The following ANO4 variants were observed in gnomAD, a reference collection of about 807,000 sequenced individuals.
The protein encoded by ANO4 is anoctamin 4.
Under a neutral mutation model 141.9 loss-of-function variants are expected in ANO4, and 69 were observed. That is an observed-to-expected ratio of 0.49 (90% CI 0.40 to 0.59). ANO4 has a LOEUF of 0.59. Among genes scored for constraint, ANO4 ranks in the 20% least tolerant of loss-of-function variants. The pLI is 0.00. For missense variants in ANO4, 894 were observed against 1,162.2 expected, an observed-to-expected ratio of 0.77 and a Z score of 3.36; for synonymous variants, 350 against 394.3, an observed-to-expected ratio of 0.89 and a Z score of 1.33.
chr12:101,075,342 T>C (rs764272203), intron 14 of ANO4, among the ~76,000 whole-genome samples: 2 of 152,126 alleles, frequency 1.3e-5, no homozygotes, highest in Non-Finnish European at 2.9e-5. Flanking sequence ...TTTTATTCTA[T>C]AGGTGATGTG....
At chr12:100,940,725 T>G (rs2042475080) in intron 4 of ANO4, among the ~76,000 whole-genome samples, 2 of 152,150 alleles carry the variant, frequency 1.3e-5, no homozygotes, top group Admixed American at 6.6e-5. Context: ...TTTACCTTCT[T>G]CATACCACCA....
chr12:101,110,847 T>C lies in ANO4; in HGVS notation c.2302+291T>C, dbSNP rs142386004. Among the ~76,000 whole-genome samples, 91 of 152,360 alleles carry C rather than the reference T, an allele frequency of 6.0e-4. 2 individuals are homozygous for C. The East Asian group carries it at 0.016, about 27-fold the overall frequency. On this transcript the variant is annotated intron_variant, in intron 23 of 27. Coordinates refer to ENST00000392977, the MANE Select transcript of ANO4 (RefSeq NM_001286615.2). ...TAAAATTTAGATTTATTATCACTTA[T>C]ATCCTTTTTAAAATAGATCTTCCAT...
At chr12:100,925,812 T>TTTAC (rs1555252847) in intron 3 of ANO4, among the ~76,000 whole-genome samples, 2 of 147,880 alleles carry the variant, frequency 1.4e-5, no homozygotes, top group East Asian at 3.9e-4. Flanking sequence ...TATACATACA[T>TTTAC]ATACATACAT....
At chr12:100,873,186 CAAT>C (rs1202160294) in intron 1 of ANO4, among the ~76,000 whole-genome samples, 3 of 152,054 alleles carry the variant, frequency 2.0e-5, no homozygotes, top group Non-Finnish European at 4.4e-5. Flanking sequence ...TTCTTTATAG[CAAT>C]GTGAGAATAG....
chr12:100,997,283 G>A (rs1345178098), intron 8 of ANO4, among the ~76,000 whole-genome samples: 4 of 141,638 alleles, frequency 2.8e-5, no homozygotes, highest in South Asian at 4.5e-4. Context: ...GCAGTGAGCC[G>A]AGATCCCACC....
intron 9 of ANO4, among the ~76,000 whole-genome samples, chr12:101,034,171 G>A (rs11612940): frequency 0.26 from 39,477 of 152,030 alleles, 5,286 homozygotes; most frequent in Non-Finnish European, 0.28. Context: ...GCATTCTACT[G>A]TAAAGACACA....
chr12:100,742,272 A>G (rs1398287617), intron 3 of ANO4, among the ~76,000 whole-genome samples: 1 of 152,134 alleles, frequency 6.6e-6, no homozygotes, highest in East Asian at 1.9e-4. Flanking sequence ...GCCAATTATT[A>G]CATTTATTTG....
chr12:101,103,476 A>G (rs192927471), intron 22 of ANO4, among the ~76,000 whole-genome samples: 24 of 151,510 alleles, frequency 1.6e-4, no homozygotes, highest in African/African-American at 5.8e-4. Flanking sequence ...ATTTTTCTGA[A>G]TCTATTGAAA....
chr12:100,906,891 A>T (rs1317212781), intron 2 of ANO4, among the ~76,000 whole-genome samples: 1 of 152,182 alleles, frequency 6.6e-6, no homozygotes, highest in Non-Finnish European at 1.5e-5. Flanking sequence ...GTTCTAAGTG[A>T]AAGAGCCACA....
At chr12:100,872,108 T>C (rs1006649798) in intron 1 of ANO4, among the ~76,000 whole-genome samples, 2 of 152,244 alleles carry the variant, frequency 1.3e-5, no homozygotes, top group Non-Finnish European at 2.9e-5. Flanking sequence ...CAAATGGCCT[T>C]GGATTAACTT....
chr12:100,847,242 A>T (rs371655471), intron 1 of ANO4, among the ~76,000 whole-genome samples: 20 of 152,230 alleles, frequency 1.3e-4, no homozygotes, highest in African/African-American at 4.8e-4. Context: ...GAGTGAATGA[A>T]TACATTTAAT....
At chr12:100,863,522 G>T (rs1455105023) in intron 1 of ANO4, among the ~76,000 whole-genome samples, 3 of 152,098 alleles carry the variant, frequency 2.0e-5, no homozygotes, top group African/African-American at 7.2e-5. Context: ...TTTCGGCTGA[G>T]TTCACTTATA....
At chr12:101,110,342 C>T (rs1289425305) in intron 22 of ANO4, 62 bp from the exon 23 acceptor site, 1 of 1,476,418 alleles carries the variant, frequency 6.8e-7, no homozygotes, top group Non-Finnish European at 9.1e-7. Context: ...AGATTATGAT[C>T]CCTTTGAAAA....
At chr12:101,115,451 C>G (rs2050815725) in intron 24 of ANO4, among the ~76,000 whole-genome samples, 3 of 150,546 alleles carry the variant, frequency 2.0e-5, no homozygotes, top group African/African-American at 7.3e-5. Flanking sequence ...AAGGCCCTGT[C>G]TCAGAAAAAA....
intron 8 of ANO4, among the ~76,000 whole-genome samples, chr12:100,996,764 G>A (rs1358785753): frequency 6.6e-6 from 1 of 152,200 alleles, no homozygotes; most frequent in African/African-American, 2.4e-5. Flanking sequence ...GAGATTCTCT[G>A]TAACATCCCT....
At chr12:100,908,256 G>T (rs1046497275) in intron 2 of ANO4, among the ~76,000 whole-genome samples, 1 of 152,210 alleles carries the variant, frequency 6.6e-6, no homozygotes, top group African/African-American at 2.4e-5. Flanking sequence ...GGCTGAGGCA[G>T]GAGAATCACT....
rs2041667657 is a variant in ANO4, at chr12:100,922,305, A to C, written c.135A>C (p.Ser45=). ...GGCCAAAGAGTGATGTGGACTTTTC[A>C]GAGATTCTTAATGCAATACAAGAAA... ...PDGPKSDVDF[S]EILNAIQEMA... The change falls in exon 3 of 28, where the codon TCA becomes TCC. Residue 45 remains serine (S), a synonymous_variant. Transcript: ENST00000392977. 4.6e-6 allele frequency: 7 copies of C among 1,531,748 alleles called. No homozygotes were observed. Among genetic ancestry groups the C allele is most frequent in the Non-Finnish European group, 6.1e-6 (7 of 1,145,624 alleles). The allele number at this position is 1,531,748 out of a possible 1,614,324, so 94.9% of individuals were successfully genotyped here. A position where few individuals can be genotyped will look rare whatever the true frequency, so the allele number is the denominator to read the frequency against.
chr12:100,894,733 G>A (rs554996622), intron 1 of ANO4, among the ~76,000 whole-genome samples: 8 of 152,008 alleles, frequency 5.3e-5, no homozygotes, highest in African/African-American at 9.7e-5. Flanking sequence ...TTGGGAGGCC[G>A]AGGCGGGCGG....
At chr12:100,852,192 G>T (rs2135854369) in intron 1 of ANO4, 1 of 152,294 alleles carries the variant, frequency 6.6e-6, no homozygotes, top group East Asian at 1.9e-4. Flanking sequence ...CCTTCCTTTT[G>T]AAATTTGTGC....
Sources: allele counts gnomAD v4.1 joint callset (sites outside exome capture counted in the v4.1 genomes callset), GRCh38; gene constraint gnomAD v4.1.1; transcripts MANE v1.5; gene names NCBI Gene and HGNC (gene_info 2026-07-23, HGNC 2026-07-21).